Variants in GLDC observed in about 807,000 individuals in gnomAD.
GLDC encodes the protein glycine decarboxylase.
In GLDC, 104 loss-of-function variants were observed where a neutral mutation model predicts 121.3. The observed-to-expected ratio is 0.86, with a 90% confidence interval of 0.73 to 1.01. The LOEUF (loss-of-function observed/expected upper bound fraction) is 1.01, where lower values mean the gene tolerates loss of function less well. GLDC is among the 50% of genes least tolerant of loss of function. The pLI, the probability that GLDC is intolerant of heterozygous loss-of-function variation, is 0.00. For synonymous variants in GLDC, 546 were observed against 480.6 expected, an observed-to-expected ratio of 1.14 and a Z score of -1.78; for missense variants, 1,429 against 1,306.6, an observed-to-expected ratio of 1.09 and a Z score of -1.44.
intron 21 of GLDC, among the ~76,000 whole-genome samples, chr9:6,546,195 C>A (rs1817384923): frequency 1.3e-5 from 2 of 151,264 alleles, no homozygotes; most frequent in South Asian, 4.2e-4. Flanking sequence ...CTTCCACCTC[C>A]TCATCTTTTT....
chr9:6,534,727 T>C lies in GLDC; in HGVS notation c.2900A>G (p.Glu967Gly). ...ACTTACGAGTGGGAATGCTGCCACC[T>C]CTCTGGAATAAGGCCGGTCCCAGTG... ...SSHWDRPYSR[E>G]VAAFPLPFVK... The change falls in exon 24 of 25, where the codon GAG becomes GGG. Residue 967 changes from glutamate to glycine, a missense_variant. Glu to Gly is a moderately conservative substitution (Grantham distance 98, BLOSUM62 -2). Transcript: ENST00000321612. 1 of 1,600,312 alleles carries C rather than the reference T, an allele frequency of 6.2e-7. No individual in the cohort carries two copies. Among genetic ancestry groups the C allele is most frequent in the Non-Finnish European group, 8.6e-7 (1 of 1,167,556 alleles).
At chr9:6,615,903 G>A (rs376137305) in intron 3 of GLDC, among the ~76,000 whole-genome samples, 13 of 151,614 alleles carry the variant, frequency 8.6e-5, no homozygotes, top group African/African-American at 3.2e-4. Flanking sequence ...GTGAGCCACC[G>A]CACCTGGCCT....
chr9:6,587,104 T>G, intron 15 of GLDC, 37 bp downstream of exon 15: 4 of 1,576,334 alleles, frequency 2.5e-6, no homozygotes, highest in Non-Finnish European at 3.5e-6. Flanking sequence ...TATACAAGAA[T>G]AGATTGCTGA....
chr9:6,580,924 A>G (rs920214294), intron 15 of GLDC, among the ~76,000 whole-genome samples: 1 of 152,204 alleles, frequency 6.6e-6, no homozygotes, highest in Non-Finnish European at 1.5e-5. Context: ...AGCAGACAGG[A>G]TCATTGTGCT....
In GLDC at chr9:6,619,146, C is replaced by CAAAAA. The variant is rs1162280442; in HGVS notation, c.470+1033_470+1037dup. Among the ~76,000 whole-genome samples, 201 of 60,672 alleles carry CAAAAA rather than the reference C, an allele frequency of 3.3e-3. 3 individuals are homozygous for CAAAAA. The highest frequency in any genetic ancestry group is 7.4e-3 in the African/African-American group (119 of 16,068). The allele number at this position is 60,672 out of a possible 152,430, so 39.8% of individuals were successfully genotyped here. On this transcript the variant is annotated intron_variant, in intron 3 of 24. Transcript: ENST00000321612. ...CAACAGAGTGAGACTCTGTCTCAGG[C>CAAAAA]AAAAAAAAAAAAAAAAAAAAAAAAA... is the stretch of plus-strand genomic sequence containing the variant.
chr9:6,644,024 T>G (rs1241276080), intron 2 of GLDC, among the ~76,000 whole-genome samples: 1 of 22,080 alleles, frequency 4.5e-5, no homozygotes, highest in Non-Finnish European at 6.4e-5. Flanking sequence ...ACAGAGATTC[T>G]GTCTCAAAAA....
intron 2 of GLDC, among the ~76,000 whole-genome samples, chr9:6,638,876 G>A (rs1045704388): frequency 2.0e-5 from 3 of 152,084 alleles, no homozygotes; most frequent in Admixed American, 6.5e-5. Flanking sequence ...GGGCATGGTG[G>A]TGCGTGCCTG....
intron 2 of GLDC, among the ~76,000 whole-genome samples, chr9:6,629,462 G>C (rs1383289411): frequency 2.0e-5 from 3 of 151,992 alleles, no homozygotes; most frequent in Non-Finnish European, 4.4e-5. Flanking sequence ...TGATCTGCCT[G>C]CCTCGGCCCC....
chr9:6,572,264 C>A (rs1255121063), intron 15 of GLDC, among the ~76,000 whole-genome samples: 1 of 152,184 alleles, frequency 6.6e-6, no homozygotes, highest in Non-Finnish European at 1.5e-5. Flanking sequence ...CTGCAAACTA[C>A]CATAGCCAAC....
At chr9:6,617,125 C>G (rs1818981904) in intron 3 of GLDC, among the ~76,000 whole-genome samples, 1 of 152,162 alleles carries the variant, frequency 6.6e-6, no homozygotes, top group Non-Finnish European at 1.5e-5. Context: ...TTGGTTCCAT[C>G]TCTATGGAAA....
intron 5 of GLDC, chr9:6,606,124 G>A (rs536128421): frequency 3.2e-5 from 6 of 185,256 alleles, no homozygotes; most frequent in South Asian, 1.1e-4. Context: ...TGGCTAACAC[G>A]GTGAAACTCC....
In GLDC at chr9:6,645,434, C is replaced by G. The variant is rs1337924090; in HGVS notation, c.66G>C (p.Leu22=). 25 of 1,280,646 alleles carry G rather than the reference C, an allele frequency of 2.0e-5. No individual in the cohort carries two copies. The highest frequency in any genetic ancestry group is 2.3e-5 in the Non-Finnish European group (24 of 1,021,288). 79.3% of individuals were successfully genotyped at this position (1,280,646 alleles called of 1,614,324 possible). ...CCCAGCACGGCCCCGATCCCCCAGC[C>G]AGGCGGCGGCCGCCCCCGACCCCGC... The part of the protein sequence containing the change: ...LGRGVGGGRR[L]AGGSGPCWAP... Residue 22 remains leucine, a synonymous_variant, in exon 1 of 25, where the codon CTG becomes CTC. Transcript: ENST00000321612.
chr9:6,585,508 A>T (rs1818250954), intron 15 of GLDC, among the ~76,000 whole-genome samples: 1 of 152,214 alleles, frequency 6.6e-6, no homozygotes, highest in Non-Finnish European at 1.5e-5. Context: ...TTTAAGACGC[A>T]ATTGAGAGCA....
chr9:6,606,682 A>T lies in GLDC; in HGVS notation c.636-13T>A, dbSNP rs1158116759. 6.6e-7 allele frequency: 1 copy of T among 1,509,964 alleles called. No homozygotes were observed. Among genetic ancestry groups the T allele is most frequent in the Non-Finnish European group, 9.2e-7 (1 of 1,086,260 alleles). The allele number at this position is 1,509,964 out of a possible 1,614,324, so 93.5% of individuals were successfully genotyped here. The stretch of plus-strand genomic sequence containing the variant: ...CCTCTTGTTGTGTCTGTTGAAAAGA[A>T]AAAGCACATTCCAACGTGAACATTA... On this transcript the variant is annotated splice_polypyrimidine_tract_variant and intron_variant, in intron 4 of 24. Coordinates refer to ENST00000321612, the MANE Select transcript of GLDC (RefSeq NM_000170.3).
At chr9:6,583,652 A>G (rs556483472) in intron 15 of GLDC, among the ~76,000 whole-genome samples, 167 of 152,318 alleles carry the variant, frequency 1.1e-3, no homozygotes, top group African/African-American at 3.8e-3. Context: ...CTCCAGCCTG[A>G]GCAAAAGAAT....
chr9:6,550,955 C>G, intron 20 of GLDC, 41 bp from the exon 21 acceptor site: 1 of 1,312,444 alleles, frequency 7.6e-7, no homozygotes. Context: ...ATTGAACAGG[C>G]AAACACGAAT....
At chr9:6,632,102 G>C (rs1260464) in intron 2 of GLDC, among the ~76,000 whole-genome samples, 89,450 of 151,942 alleles carry the variant, frequency 0.59, 27,748 homozygotes, top group African/African-American at 0.78. Context: ...CAGTCCAACC[G>C]AGAATCACAC....
chr9:6,636,631 C>A (rs1298067797), intron 2 of GLDC, among the ~76,000 whole-genome samples: 1 of 152,036 alleles, frequency 6.6e-6, no homozygotes, highest in Non-Finnish European at 1.5e-5. Context: ...CAAAAATTAG[C>A]CGGGCATGGT....
intron 2 of GLDC, among the ~76,000 whole-genome samples, chr9:6,629,104 G>C (rs1819308003): frequency 6.6e-6 from 1 of 151,600 alleles, no homozygotes; most frequent in African/African-American, 2.4e-5. Context: ...CCACATAAGA[G>C]CCCTTCTATA....
Sources: allele counts gnomAD v4.1 joint callset (sites outside exome capture counted in the v4.1 genomes callset), GRCh38; gene constraint gnomAD v4.1.1; transcripts MANE v1.5; gene names NCBI Gene and HGNC (gene_info 2026-07-23, HGNC 2026-07-21).